DLST: variants seen among roughly 807,000 people sequenced by gnomAD.
DLST encodes the protein dihydrolipoyllysine-residue succinyltransferase component of 2-oxoglutarate dehydrogenase complex, mitochondrial.
A neutral mutation model predicts 53.1 loss-of-function variants in DLST; 17 were observed. The observed-to-expected ratio is 0.32, with a 90% CI of 0.22 to 0.48. The LOEUF is 0.48. Among genes scored for constraint, DLST ranks in the 20% least tolerant of loss-of-function variants. The pLI is 0.99. For synonymous variants in DLST, 206 were observed against 204.8 expected, an observed-to-expected ratio of 1.01 and a Z score of -0.05; for missense variants, 512 against 583.9, an observed-to-expected ratio of 0.88 and a Z score of 1.27.
rs1015929036 is a variant in DLST at position 74,891,088 on chromosome 14, C to T, written c.363C>T (p.Gly121=). The part of the protein sequence containing the change: ...TSVQVPSPAN[G]VIEALLVPDG... ...TGCAGGTTCCATCACCAGCAAATGG[C>T]GTGATTGAAGCTCTTTTGGTACCTG... Residue 121 remains glycine, a synonymous_variant, in exon 7 of 15, where the codon GGC becomes GGT. Transcript: ENST00000334220. 23 of 1,613,566 alleles carry T rather than the reference C, an allele frequency of 1.4e-5. No homozygotes were observed. The highest frequency in any genetic ancestry group is 2.2e-5 in the South Asian group (2 of 91,060).
Position 74,882,620 on chromosome 14 carries a change from G to T in DLST, c.93G>T (p.Leu31=), listed in dbSNP as rs746730520. The T allele has an allele frequency of 1.2e-6, 2 of 1,613,896 alleles. No homozygotes were observed. The highest frequency in any genetic ancestry group is 2.7e-5 in the African/African-American group (2 of 75,002). The change falls in exon 2 of 15, where the codon CTG becomes CTT. Residue 31 remains leucine (L), a synonymous_variant. Transcript: ENST00000334220. ...ACTGCCCTCTAGGGAGACGTTCCCT[G>T]CCTGGTAAGTTCTGCCCTTACCGTC... The part of the protein sequence containing the change: ...KGNCPLGRRS[L]PGVSLCQGPG...
chr14:74,885,194 A>T (rs1883660739), intron 2 of DLST, among the ~76,000 whole-genome samples: 2 of 152,244 alleles, frequency 1.3e-5, no homozygotes, highest in Non-Finnish European at 2.9e-5. Flanking sequence ...TAGTCACAGG[A>T]TAAGCCATCC....
At chr14:74,889,825 C>A in intron 5 of DLST, 72 bp from the exon 6 acceptor site, 1 of 1,514,610 alleles carries the variant, frequency 6.6e-7, no homozygotes, top group South Asian at 1.1e-5. Context: ...ACATACCTGC[C>A]AAAATGGGTT....
At position 74,900,227 on chromosome 14, in the gene DLST, AGTT is replaced by A. The variant is rs1242909039; in HGVS notation, c.976-58_976-56del. The A allele has an allele frequency of 6.4e-5, 93 of 1,463,662 alleles. No homozygotes were observed. The African/African-American group carries it at 6.9e-4, about 11-fold the overall frequency. The allele number at this position is 1,463,662 out of a possible 1,614,324, so 90.7% of individuals were successfully genotyped here. A position where few individuals can be genotyped will look rare whatever the true frequency, so the allele number is the denominator to read the frequency against. On this transcript the variant is annotated intron_variant, in intron 12 of 14. Transcript: ENST00000334220. ...GGCATACCATGGGTTGAATCAAGGG[AGTT>A]GTTAACTATAAAAGGTACTATTAAT...
At position 74,882,588 on chromosome 14, in the gene DLST, CAG is replaced by C. The variant is rs1307214960; in HGVS notation, c.64-2_64-1del. On this transcript the variant is annotated splice_acceptor_variant, in intron 1 of 14. Transcript: ENST00000334220. LOFTEE classifies it high-confidence loss of function. Reference sequence around the variant, plus strand: ...ACGTCGATAATGTCTTCTTTCTCAACAGGGGAACTGCCCTCTAGGGAGACGTT... The same window carrying C: ...ACGTCGATAATGTCTTCTTTCTCAACGGGAACTGCCCTCTAGGGAGACGTT... The C allele has an allele frequency of 1.2e-6, 2 of 1,613,742 alleles. No individual in the cohort carries two copies. The highest frequency in any genetic ancestry group is 1.1e-5 in the South Asian group (1 of 91,064).
intron 6 of DLST, among the ~76,000 whole-genome samples, chr14:74,890,283 A>G (rs1433778537): frequency 6.6e-6 from 1 of 151,944 alleles, no homozygotes; most frequent in Admixed American, 6.6e-5. Context: ...GCATGCCACA[A>G]CGCCGGGCTA....
At chr14:74,882,452 CGGT>C in intron 1 of DLST, 136 bp from the exon 2 acceptor site, 2 of 764,942 alleles carry the variant, frequency 2.6e-6, no homozygotes, top group Non-Finnish European at 2.2e-6. Context: ...TCTGCCAGCA[CGGT>C]GTGTTGCATT....
chr14:74,891,219 G>T (rs747291719), intron 7 of DLST, 52 bp downstream of exon 7: 1 of 1,612,408 alleles, frequency 6.2e-7, no homozygotes, highest in South Asian at 1.1e-5. Flanking sequence ...TCTTGGGATT[G>T]GGACTGAGCA....
chr14:74,899,065 T>C (rs1884161262), intron 11 of DLST, among the ~76,000 whole-genome samples: 1 of 152,238 alleles, frequency 6.6e-6, no homozygotes, highest in Non-Finnish European at 1.5e-5. Context: ...GGGTCAGTGC[T>C]ACTTTTGCCA....
At chr14:74,900,148 A>G (rs1884196843) in intron 12 of DLST, 141 bp from the exon 13 acceptor site, 1 of 1,082,768 alleles carries the variant, frequency 9.2e-7, no homozygotes, top group Non-Finnish European at 1.4e-6. Context: ...ACCATGCCGC[A>G]TTCTTTTAAC....
chr14:74,885,624 A>C lies in DLST; in HGVS notation c.136A>C (p.Arg46=), dbSNP rs762352613. 6.2e-7 allele frequency: 1 copy of C among 1,613,544 alleles called. No homozygotes were observed. Among genetic ancestry groups the C allele is most frequent in the South Asian group, 1.1e-5 (1 of 91,006 alleles). Residue 46 remains arginine, a synonymous_variant, in exon 3 of 15, where the codon AGG becomes CGG. Transcript: ENST00000334220. ...CCAGGGACCAGGTTACCCTAACAGC[A>C]GGAAGGTTGTGTAAGTATCACTGGG... is the stretch of plus-strand genomic sequence containing the variant. ...LCQGPGYPNS[R]KVVINNSVFS...
In DLST at chr14:74,892,512, G is replaced by GT. The variant is rs201992318; in HGVS notation, c.443-311dup. Among the ~76,000 whole-genome samples the GT allele has an allele frequency of 1.1e-3, 162 of 148,482 alleles. 1 individual carries two copies. Among genetic ancestry groups the GT allele is most frequent in the Middle Eastern group, 3.6e-3 (1 of 278 alleles). On this transcript the variant is annotated intron_variant, in intron 7 of 14. Transcript: ENST00000334220. ...TTTCAATATTTTAAATTGCCTAGGT[G>GT]TTTTTTTTTTTCCTTGGAAGTTTAC...
chr14:74,882,749 C>T, intron 2 of DLST, 125 bp downstream of exon 2: 2 of 818,420 alleles, frequency 2.4e-6, no homozygotes, highest in Non-Finnish European at 4.1e-6. Context: ...AGTAGTGAGA[C>T]GCAATGCTAC....
rs548822051 is a variant in DLST at position 74,889,296 on chromosome 14, A to G, written c.221A>G (p.Lys74Arg). The G allele has an allele frequency of 1.2e-6, 2 of 1,613,020 alleles. No individual in the cohort carries two copies. Among genetic ancestry groups the G allele is most frequent in the East Asian group, 2.2e-5 (1 of 44,886 alleles). The change falls in exon 5 of 15, where the codon AAA (lysine) becomes AGA (arginine). Residue 74 changes from lysine to arginine, a missense_variant. By Grantham distance (26) the Lys-to-Arg change is conservative (BLOSUM62 2). This residue lies in a region of DLST where 35 missense variants were observed against 70.5 expected (regional missense o/e 0.50). Transcript: ENST00000334220. Reference protein sequence around the residue: ...AVCKDDLVTVKTPAFAESVTE... With the variant: ...AVCKDDLVTVRTPAFAESVTE... ...CTAGAGGATGACTTGGTTACAGTCA[A>G]AACCCCAGCGTTTGCAGAATCTGTC...
In DLST at chr14:74,881,993, C is replaced by T. The variant is rs151007114; in HGVS notation, c.40C>T (p.Arg14Cys). The part of the protein sequence containing the change: ...RSRCVSRAFS[R>C]SLSAFQKGNC... ...CCGCTGTGTGTCTCGGGCGTTCAGC[C>T]GCTCGCTCTCCGCCTTCCAGAAGGT... is the stretch of plus-strand genomic sequence containing the variant. The change falls in exon 1 of 15, where the codon CGC becomes TGC. Residue 14 changes from arginine (R) to cysteine (C), a missense_variant. Arg to Cys is a radical substitution (Grantham distance 180). This residue lies in a region of DLST where 129 missense variants were observed against 90.9 expected (regional missense o/e 1.42). Coordinates refer to ENST00000334220, the MANE Select transcript of DLST (RefSeq NM_001933.5). 8.3e-6 allele frequency: 13 copies of T among 1,572,482 alleles called. No individual in the cohort carries two copies. The highest frequency in any genetic ancestry group is 1.4e-5 in the African/African-American group (1 of 73,252).
At chr14:74,901,614 A>G (rs1434958385) in intron 14 of DLST, among the ~76,000 whole-genome samples, 1 of 152,234 alleles carries the variant, frequency 6.6e-6, no homozygotes, top group Non-Finnish European at 1.5e-5. Context: ...GCCAAGTTGT[A>G]TGATAAAGCT....
intron 2 of DLST, among the ~76,000 whole-genome samples, chr14:74,885,377 A>AC (rs1161276725): frequency 2.0e-5 from 3 of 152,112 alleles, no homozygotes; most frequent in African/African-American, 7.2e-5. Context: ...CCAAACACAT[A>AC]CCCACTCGAT....
chr14:74,892,799 C>G, intron 7 of DLST, 35 bp from the exon 8 acceptor site: 1 of 1,551,150 alleles, frequency 6.4e-7, no homozygotes, highest in South Asian at 1.2e-5. Flanking sequence ...TCATTTCAGA[C>G]AGTGCCAGTG....
chr14:74,895,583 GTC>G (rs887284049), intron 10 of DLST, among the ~76,000 whole-genome samples: 3 of 152,056 alleles, frequency 2.0e-5, no homozygotes, highest in African/African-American at 7.2e-5. Flanking sequence ...TAGCAAGACT[GTC>G]TCTACATAAA....
Sources: gnomAD v4.1 joint callset for allele counts (sites outside exome capture counted in the v4.1 genomes callset) on GRCh38, gnomAD v4.1.1 for gene constraint, gnomAD v4.1.1 regional missense constraint, MANE v1.5 for transcripts, NCBI Gene and HGNC (gene_info 2026-07-23, HGNC 2026-07-21) for gene names.